The following CCNY variants were observed in gnomAD, a reference collection of about 807,000 sequenced individuals.
The protein encoded by CCNY is cyclin Y.
Under a neutral mutation model 42.8 loss-of-function variants are expected in CCNY, and 19 were observed. The ratio of observed to expected loss-of-function variants is 0.44; its 90% CI spans 0.31 to 0.65. The LOEUF (loss-of-function observed/expected upper bound fraction) is 0.65, where lower values mean the gene tolerates loss of function less well. CCNY is among the 30% of genes least tolerant of loss of function. CCNY has a pLI of 0.07. For missense variants in CCNY, 370 were observed against 437.3 expected (o/e 0.85, Z 1.37); for synonymous variants, 165 against 162.7 (o/e 1.01, Z -0.11).
chr10:35,438,137 A>G (rs1440230134), intron 1 of CCNY, among the ~76,000 whole-genome samples: 1 of 149,212 alleles, frequency 6.7e-6, no homozygotes, highest in Non-Finnish European at 1.5e-5. Context: ...ATAAAAACAT[A>G]TCTTCAGAGT....
Position 35,450,035 on chromosome 10 carries a change from G to A in CCNY, c.155-33369G>A, listed in dbSNP as rs1485827260. 3.9e-5 allele frequency among the ~76,000 whole-genome samples: 6 copies of A among 152,160 alleles called. No individual in the cohort carries two copies. The South Asian group carries it at 6.2e-4, about 16-fold the overall frequency. On this transcript the variant is annotated intron_variant, in intron 1 of 9. Coordinates refer to ENST00000374704, the MANE Select transcript of CCNY (RefSeq NM_145012.6). ...TCAGCTCTGGGATTTGCCAGAAAGC[G>A]CTTTGGAGGGCAGAGGAACGTGGTG...
chr10:35,537,771 C>A (rs531335376), intron 7 of CCNY, among the ~76,000 whole-genome samples: 1 of 152,026 alleles, frequency 6.6e-6, no homozygotes, highest in Non-Finnish European at 1.5e-5. Context: ...TTTTCAGGCT[C>A]ATAGGTGGAA....
chr10:35,399,315 C>CCCGGGGGGTCCTTCTCCATGG (rs1554784140), intron 1 of CCNY, among the ~76,000 whole-genome samples: 1 of 151,778 alleles, frequency 6.6e-6, no homozygotes, highest in African/African-American at 2.4e-5. Context: ...GGCTTGACTG[C>CCCGGGGGGTCCTTCTCCATGG]CCAGGATGCT....
intron 7 of CCNY, among the ~76,000 whole-genome samples, chr10:35,547,990 T>C (rs1841152541): frequency 6.6e-6 from 1 of 152,146 alleles, no homozygotes; most frequent in African/African-American, 2.4e-5. Context: ...CTACAGCTTA[T>C]TGGCTATTTG....
chr10:35,529,979 A>G lies in CCNY; in HGVS notation c.408A>G (p.Pro136=), dbSNP rs1346582278. 6.2e-7 allele frequency: 1 copy of G among 1,613,464 alleles called. No homozygotes were observed. The highest frequency in any genetic ancestry group is 2.2e-5 in the East Asian group (1 of 44,900). The change falls in exon 6 of 10, where the codon CCA becomes CCG. Residue 136 remains proline (P), a synonymous_variant. Transcript: ENST00000374704. ...AIYYHIKNRD[P]DGRMLLDIFD... ...CTATTATTTTCCCTACCAGGGACCC[A>G]GATGGAAGGATGCTCTTAGATATTT...
intron 9 of CCNY, among the ~76,000 whole-genome samples, chr10:35,567,961 A>C (rs929022718): frequency 2.0e-5 from 3 of 152,154 alleles, no homozygotes; most frequent in Admixed American, 2.0e-4. Flanking sequence ...GCAAGCACAG[A>C]TGTGAGGTAG....
chr10:35,492,571 G>C (rs1027830856), intron 2 of CCNY, among the ~76,000 whole-genome samples: 1 of 152,208 alleles, frequency 6.6e-6, no homozygotes, highest in Admixed American at 6.5e-5. Context: ...TATTTTTGTG[G>C]TATAGAAATA....
chr10:35,364,287 A>G (rs1836763239), intron 1 of CCNY, among the ~76,000 whole-genome samples: 1 of 152,136 alleles, frequency 6.6e-6, no homozygotes, highest in African/African-American at 2.4e-5. Flanking sequence ...CAGGAGTGGA[A>G]TTCAAATATA....
At chr10:35,516,661 CTTTTTTTTTTTTTTT>C (rs35268084) in intron 4 of CCNY, 38 bp downstream of exon 4, 18 of 327,600 alleles carry the variant, frequency 5.5e-5, no homozygotes, top group East Asian at 2.4e-4. Flanking sequence ...TCCTTCCTTC[CTTTTTTTTTTTTTTT>C]TTTTTTTTTT....
At position 35,432,263 on chromosome 10, in the gene CCNY, G is replaced by A. The variant is rs553532659; in HGVS notation, c.155-51141G>A. ...TCTCTCCACTTCAGTGTCTTGATTT[G>A]TAAAATGAGAATAATGATAGCTACC... On this transcript the variant is annotated intron_variant, in intron 1 of 9. Coordinates refer to ENST00000374704, the MANE Select transcript of CCNY (RefSeq NM_145012.6). Among the ~76,000 whole-genome samples, 14 of 152,276 alleles carry A rather than the reference G, an allele frequency of 9.2e-5. No homozygotes were observed. The South Asian group carries it at 2.9e-3, about 32-fold the overall frequency.
At chr10:35,330,804 G>A (rs1390279776) in intron 3 of CCNY, among the ~76,000 whole-genome samples, 4 of 150,716 alleles carry the variant, frequency 2.7e-5, no homozygotes, top group African/African-American at 4.9e-5. Flanking sequence ...CGTGCAGGCT[G>A]GAGTGCAGTG....
intron 3 of CCNY, chr10:35,316,509 T>G (rs1304109178): frequency 1.3e-5 from 2 of 152,210 alleles, no homozygotes; most frequent in Admixed American, 6.5e-5. Flanking sequence ...ATTCAGAAAG[T>G]TTGAACCAAA....
At chr10:35,248,464 C>T (rs555099187) in intron 2 of CCNY, among the ~76,000 whole-genome samples, 15 of 151,694 alleles carry the variant, frequency 9.9e-5, no homozygotes, top group Middle Eastern at 3.4e-3. Flanking sequence ...GCTAACACAG[C>T]GAAACCCCAT....
intron 9 of CCNY, among the ~76,000 whole-genome samples, chr10:35,566,487 G>A (rs111640967): frequency 0.011 from 1,691 of 152,282 alleles, 13 homozygotes; most frequent in Non-Finnish European, 0.017. Context: ...GATTACAGGT[G>A]CCTGCCACCA....
intron 1 of CCNY, among the ~76,000 whole-genome samples, chr10:35,475,486 G>A (rs1200869278): frequency 6.6e-5 from 10 of 151,884 alleles, no homozygotes; most frequent in Middle Eastern, 3.4e-3. Context: ...CCAATATTCA[G>A]CATTCTTAAA....
At chr10:35,348,723 T>C (rs1836361790) in intron 1 of CCNY, among the ~76,000 whole-genome samples, 1 of 152,160 alleles carries the variant, frequency 6.6e-6, no homozygotes, top group South Asian at 2.1e-4. Flanking sequence ...CTTTTATTCT[T>C]AGCGATGTTT....
At chr10:35,401,313 T>C (rs1465521352) in intron 1 of CCNY, among the ~76,000 whole-genome samples, 1 of 152,236 alleles carries the variant, frequency 6.6e-6, no homozygotes, top group Non-Finnish European at 1.5e-5. Flanking sequence ...TGTGCTCTTT[T>C]GTGATAGTGC....
intron 2 of CCNY, among the ~76,000 whole-genome samples, chr10:35,249,713 C>A (rs191142148): frequency 1.6e-3 from 240 of 152,178 alleles, no homozygotes; most frequent in Middle Eastern, 3.4e-3. Context: ...AGTAGGGAGT[C>A]CTTGCAGAAA....
intron 3 of CCNY, among the ~76,000 whole-genome samples, chr10:35,328,139 T>C (rs1328723227): frequency 6.6e-6 from 1 of 152,148 alleles, no homozygotes; most frequent in Non-Finnish European, 1.5e-5. Context: ...GATAATAAAC[T>C]GGCAATTTTG....
Sources: gnomAD v4.1 joint callset for allele counts (sites outside exome capture counted in the v4.1 genomes callset) on GRCh38, gnomAD v4.1.1 for gene constraint, MANE v1.5 for transcripts, NCBI Gene and HGNC (gene_info 2026-07-23, HGNC 2026-07-21) for gene names.